The following CLVS1 variants were observed in gnomAD, a reference collection of about 807,000 sequenced individuals.
CLVS1 encodes clavesin 1, also known as clavesin-1.
In CLVS1, 10 loss-of-function variants were observed where a neutral mutation model predicts 33.1. The observed-to-expected ratio is 0.30, with a 90% confidence interval of 0.19 to 0.51. CLVS1 has a LOEUF of 0.51. Among genes scored for constraint, CLVS1 ranks in the 20% least tolerant of loss-of-function variants. The pLI is 0.97. For missense variants in CLVS1, 343 were observed against 433.4 expected, an observed-to-expected ratio of 0.79 and a Z score of 1.85; for synonymous variants, 163 against 166.1, an observed-to-expected ratio of 0.98 and a Z score of 0.14.
chr8:61,382,008 T>A (rs1813898257), intron 3 of CLVS1, among the ~76,000 whole-genome samples: 1 of 152,192 alleles, frequency 6.6e-6, no homozygotes, highest in African/African-American at 2.4e-5. Context: ...CTTTGGCATC[T>A]CTTTTTTAAT....
chr8:61,364,001 T>A (rs1189496288), intron 2 of CLVS1, among the ~76,000 whole-genome samples: 1 of 152,196 alleles, frequency 6.6e-6, no homozygotes, highest in South Asian at 2.1e-4. Context: ...ATATTTACAG[T>A]GCTCTAGGCT....
chr8:61,462,375 G>GTTTGT (rs555190486), intron 5 of CLVS1, among the ~76,000 whole-genome samples: 111 of 152,156 alleles, frequency 7.3e-4, no homozygotes, highest in African/African-American at 2.3e-3. Flanking sequence ...TTGTTTGTTT[G>GTTTGT]TTTGTTTTGT....
At chr8:61,248,005 C>G (rs1408657011) in intron 2 of CLVS1, among the ~76,000 whole-genome samples, 2 of 152,182 alleles carry the variant, frequency 1.3e-5, no homozygotes, top group Admixed American at 6.5e-5. Context: ...CTGCATAAGG[C>G]TAGCCAGTTA....
At chr8:61,177,935 TCTC>T (rs1184751899) in intron 2 of CLVS1, among the ~76,000 whole-genome samples, 1 of 151,774 alleles carries the variant, frequency 6.6e-6, no homozygotes, top group Non-Finnish European at 1.5e-5. Flanking sequence ...GAGTGCCTCT[TCTC>T]CTCCAAATAA....
intron 2 of CLVS1, among the ~76,000 whole-genome samples, chr8:61,160,345 T>C (rs955929719): frequency 1.3e-5 from 2 of 152,238 alleles, no homozygotes; most frequent in African/African-American, 4.8e-5. Flanking sequence ...TTTTACCCAT[T>C]ATGATTCCTT....
At chr8:61,150,368 C>A (rs1393012261) in intron 2 of CLVS1, among the ~76,000 whole-genome samples, 1 of 152,108 alleles carries the variant, frequency 6.6e-6, no homozygotes, top group African/African-American at 2.4e-5. Flanking sequence ...GACGCTTGGG[C>A]AGCTTTTGGT....
chr8:61,037,119 CTT>C, the CLVS1 span, among the ~76,000 whole-genome samples: 4 of 152,164 alleles, frequency 2.6e-5, no homozygotes, highest in Admixed American at 6.5e-5. Flanking sequence ...GTAATTAACA[CTT>C]AATATTATTA....
chr8:61,433,976 G>T (rs567585351), intron 3 of CLVS1, among the ~76,000 whole-genome samples: 46 of 152,104 alleles, frequency 3.0e-4, no homozygotes, highest in African/African-American at 1.1e-3. Context: ...GGCTAGAAGA[G>T]GGGCCTTCCA....
intron 5 of CLVS1, among the ~76,000 whole-genome samples, chr8:61,459,932 C>T (rs939075810): frequency 6.6e-5 from 10 of 152,178 alleles, no homozygotes; most frequent in South Asian, 2.1e-4. Flanking sequence ...CTTCTCCATG[C>T]GTCCTTACAC....
intron 3 of CLVS1, among the ~76,000 whole-genome samples, chr8:61,420,925 C>T (rs1318442038): frequency 2.0e-5 from 3 of 152,056 alleles, no homozygotes; most frequent in Non-Finnish European, 4.4e-5. Context: ...GAGCCGAGAT[C>T]GCACCACTGC....
the CLVS1 span, among the ~76,000 whole-genome samples, chr8:60,984,955 G>A: frequency 2.0e-5 from 3 of 152,242 alleles, no homozygotes; most frequent in Middle Eastern, 3.4e-3. Context: ...GAAATAGTCT[G>A]TAAGTGTTCT....
At chr8:61,241,178 C>T (rs371520438) in intron 2 of CLVS1, among the ~76,000 whole-genome samples, 9 of 152,126 alleles carry the variant, frequency 5.9e-5, no homozygotes, top group African/African-American at 1.9e-4. Context: ...GGTATACAAA[C>T]ATTTAGTCTA....
intron 2 of CLVS1, among the ~76,000 whole-genome samples, chr8:61,242,645 C>G (rs1244437880): frequency 2.0e-5 from 3 of 151,860 alleles, no homozygotes; most frequent in African/African-American, 7.3e-5. Flanking sequence ...AAAAATTAAC[C>G]AGACATGGTG....
the CLVS1 span, among the ~76,000 whole-genome samples, chr8:60,991,911 T>A: frequency 6.6e-6 from 1 of 152,018 alleles, no homozygotes; most frequent in East Asian, 1.9e-4. Context: ...TGCACCCAGC[T>A]AATTTTTGTA....
the CLVS1 span, among the ~76,000 whole-genome samples, chr8:60,970,791 C>T: frequency 5.3e-5 from 8 of 152,190 alleles, no homozygotes; most frequent in East Asian, 1.3e-3. Context: ...GGGAAATTTC[C>T]TTGAATTATT....
chr8:61,448,982 A>T (rs73685043), intron 3 of CLVS1, among the ~76,000 whole-genome samples: 3,037 of 150,522 alleles, frequency 0.02, 95 homozygotes, highest in African/African-American at 0.069. Context: ...AAATCTGGAC[A>T]TTTCTGTATT....
intron 3 of CLVS1, among the ~76,000 whole-genome samples, chr8:61,426,467 G>A (rs988322216): frequency 2.6e-5 from 4 of 152,202 alleles, no homozygotes; most frequent in Non-Finnish European, 4.4e-5. Context: ...CTGTCACCTC[G>A]TAGTGTGTCT....
At chr8:61,201,871 C>T (rs920909691) in intron 2 of CLVS1, among the ~76,000 whole-genome samples, 3 of 152,196 alleles carry the variant, frequency 2.0e-5, no homozygotes, top group Admixed American at 6.5e-5. Context: ...AGAAAGGGTA[C>T]ACTCGCCAGC....
chr8:61,242,955 C>G (rs1808728703), intron 2 of CLVS1, among the ~76,000 whole-genome samples: 1 of 148,852 alleles, frequency 6.7e-6, no homozygotes, highest in South Asian at 2.1e-4. Context: ...TCTAGTTCAT[C>G]TCAGAGTTAT....
Sources: allele counts gnomAD v4.1 joint callset (sites outside exome capture counted in the v4.1 genomes callset), GRCh38; gene constraint gnomAD v4.1.1; transcripts MANE v1.5; gene names NCBI Gene and HGNC (gene_info 2026-07-23, HGNC 2026-07-21).